CNTN4: variants seen among roughly 807,000 people sequenced by gnomAD.
CNTN4 encodes contactin 4.
In CNTN4, 77 loss-of-function variants were observed where a neutral mutation model predicts 122.5. The observed-to-expected ratio is 0.63, with a 90% confidence interval of 0.52 to 0.76. The LOEUF (loss-of-function observed/expected upper bound fraction) is 0.76. Ranked by LOEUF, CNTN4 falls within the 30% of genes least tolerant of loss-of-function variation. The pLI is 0.00. For missense variants in CNTN4, 1,256 were observed against 1,259.1 expected (o/e 1.00, Z 0.04); for synonymous variants, 512 against 447.0 (o/e 1.15, Z -1.83).
intron 4 of CNTN4, among the ~76,000 whole-genome samples, chr3:2,596,916 T>C (rs2080796799): frequency 6.6e-6 from 1 of 152,202 alleles, no homozygotes; most frequent in African/African-American, 2.4e-5. Flanking sequence ...TTCGGTACTG[T>C]GTCCAGGACA....
intron 4 of CNTN4, among the ~76,000 whole-genome samples, chr3:2,594,842 G>A (rs1303838237): frequency 6.6e-6 from 1 of 152,090 alleles, no homozygotes; most frequent in Non-Finnish European, 1.5e-5. Flanking sequence ...ATTTAGAGTA[G>A]TTTTTTCTTA....
intron 3 of CNTN4, among the ~76,000 whole-genome samples, chr3:2,373,959 G>T (rs1016173130): frequency 6.6e-6 from 1 of 152,014 alleles, no homozygotes; most frequent in African/African-American, 2.4e-5. Flanking sequence ...ATCTTTTTTG[G>T]GGGGTTCCTG....
At chr3:2,288,422 G>A (rs1392238401) in intron 2 of CNTN4, among the ~76,000 whole-genome samples, 1 of 152,058 alleles carries the variant, frequency 6.6e-6, no homozygotes, top group East Asian at 1.9e-4. Context: ...ACTAAAAGAG[G>A]TAGAACTCAC....
intron 4 of CNTN4, among the ~76,000 whole-genome samples, chr3:2,685,385 C>T (rs983871884): frequency 6.6e-6 from 1 of 152,078 alleles, no homozygotes; most frequent in East Asian, 1.9e-4. Flanking sequence ...CACGTAAATC[C>T]CCAAGGAAAC....
intron 3 of CNTN4, among the ~76,000 whole-genome samples, chr3:2,426,007 C>G (rs2047815535): frequency 6.6e-6 from 1 of 152,186 alleles, no homozygotes; most frequent in African/African-American, 2.4e-5. Flanking sequence ...ATCATGTCTT[C>G]TGCAAGCAGG....
intron 13 of CNTN4, among the ~76,000 whole-genome samples, chr3:2,928,008 C>G (rs1341284406): frequency 6.6e-6 from 1 of 152,084 alleles, no homozygotes; most frequent in East Asian, 1.9e-4. Context: ...AAAAAACTGG[C>G]CAGGTGTAGT....
intron 4 of CNTN4, among the ~76,000 whole-genome samples, chr3:2,573,388 C>A (rs1029868173): frequency 1.3e-5 from 2 of 152,128 alleles, no homozygotes; most frequent in African/African-American, 2.4e-5. Context: ...CTGGTCAGAG[C>A]CTTCATCTTC....
intron 2 of CNTN4, among the ~76,000 whole-genome samples, chr3:2,104,302 G>A (rs1007373662): frequency 1.3e-5 from 2 of 152,126 alleles, no homozygotes; most frequent in African/African-American, 2.4e-5. Flanking sequence ...GAGGGCTGGA[G>A]AGGTTTTCAT....
At chr3:2,449,374 G>T (rs1416268291) in intron 3 of CNTN4, among the ~76,000 whole-genome samples, 2 of 152,102 alleles carry the variant, frequency 1.3e-5, no homozygotes, top group Admixed American at 1.3e-4. Flanking sequence ...CAGCACTTTG[G>T]GAGGCTGAGG....
chr3:2,666,399 T>C (rs1299889161), intron 4 of CNTN4, among the ~76,000 whole-genome samples: 2 of 152,056 alleles, frequency 1.3e-5, no homozygotes, highest in East Asian at 3.9e-4. Flanking sequence ...ATTAAGAAAA[T>C]AGACATTGAA....
intron 7 of CNTN4, among the ~76,000 whole-genome samples, chr3:2,830,309 A>ACTGG (rs1200763017): frequency 1.3e-5 from 2 of 152,238 alleles, no homozygotes; most frequent in Non-Finnish European, 2.9e-5. Flanking sequence ...AAAAAATTAA[A>ACTGG]AAGATTATCT....
At chr3:2,363,489 G>C (rs1010973312) in intron 3 of CNTN4, among the ~76,000 whole-genome samples, 1 of 152,182 alleles carries the variant, frequency 6.6e-6, no homozygotes, top group African/African-American at 2.4e-5. Flanking sequence ...ACATGGAGGA[G>C]CTAGGTCATT....
At chr3:2,212,189 G>C (rs190250411) in intron 2 of CNTN4, among the ~76,000 whole-genome samples, 1 of 151,940 alleles carries the variant, frequency 6.6e-6, no homozygotes, top group African/African-American at 2.4e-5. Flanking sequence ...TGACCAGGCT[G>C]ATCTCAAACT....
chr3:2,489,039 A>T (rs1411346475), intron 3 of CNTN4, among the ~76,000 whole-genome samples: 1 of 152,148 alleles, frequency 6.6e-6, no homozygotes, highest in Non-Finnish European at 1.5e-5. Flanking sequence ...TCTGGCATCA[A>T]ACCTCTGTTT....
chr3:2,632,368 A>G (rs1031269631), intron 4 of CNTN4, among the ~76,000 whole-genome samples: 1 of 152,138 alleles, frequency 6.6e-6, no homozygotes, highest in Non-Finnish European at 1.5e-5. Context: ...TCTTCATAAC[A>G]CTGGAAAAAT....
intron 13 of CNTN4, among the ~76,000 whole-genome samples, chr3:2,931,352 G>C (rs1330138978): frequency 6.8e-6 from 1 of 147,650 alleles, no homozygotes; most frequent in Non-Finnish European, 1.5e-5. Flanking sequence ...ACTGACGAAT[G>C]GCAGTTCCTA....
At chr3:2,563,143 T>C (rs1176181463) in intron 3 of CNTN4, among the ~76,000 whole-genome samples, 1 of 151,952 alleles carries the variant, frequency 6.6e-6, no homozygotes, top group Non-Finnish European at 1.5e-5. Flanking sequence ...CTGAACTAAT[T>C]TACATTCCCA....
intron 3 of CNTN4, among the ~76,000 whole-genome samples, chr3:2,457,815 C>G (rs1038750939): frequency 5.9e-5 from 9 of 152,110 alleles, no homozygotes; most frequent in African/African-American, 1.9e-4. Flanking sequence ...TCTCAAGGTA[C>G]GTTTACATCC....
At chr3:2,367,670 G>A (rs945105467) in intron 3 of CNTN4, among the ~76,000 whole-genome samples, 1 of 152,158 alleles carries the variant, frequency 6.6e-6, no homozygotes, top group Non-Finnish European at 1.5e-5. Context: ...TTTTAGTAGA[G>A]ACAGGGGTTT....
Sources: gnomAD v4.1 joint callset for allele counts (sites outside exome capture counted in the v4.1 genomes callset) on GRCh38, gnomAD v4.1.1 for gene constraint, MANE v1.5 for transcripts, NCBI Gene and HGNC (gene_info 2026-07-23, HGNC 2026-07-21) for gene names.